Variants in PCDH9 observed in about 807,000 individuals in gnomAD.
PCDH9 encodes the protein protocadherin 9.
In PCDH9, 24 loss-of-function variants were observed where a neutral mutation model predicts 70.6. That is an observed-to-expected ratio of 0.34 (90% CI 0.25 to 0.48). The LOEUF is 0.48. PCDH9 is among the 20% of genes least tolerant of loss of function. PCDH9 has a pLI of 0.99. For missense variants in PCDH9, 1,281 were observed against 1,503.6 expected (o/e 0.85, Z 2.45); for synonymous variants, 562 against 558.5 (o/e 1.01, Z -0.09).
intron 4 of PCDH9, among the ~76,000 whole-genome samples, chr13:66,529,847 G>T (rs1261356946): frequency 6.7e-6 from 1 of 149,758 alleles, no homozygotes; most frequent in African/African-American, 2.5e-5. Flanking sequence ...AGATAGTATT[G>T]TGTACTAGAA....
intron 3 of PCDH9, among the ~76,000 whole-genome samples, chr13:66,787,389 G>A (rs1329636772): frequency 6.6e-6 from 1 of 152,136 alleles, no homozygotes; most frequent in Admixed American, 6.6e-5. Flanking sequence ...GCTGAGGCAG[G>A]TGGATCACCT....
At chr13:66,416,408 A>T (rs1479547007) in intron 4 of PCDH9, among the ~76,000 whole-genome samples, 1 of 152,158 alleles carries the variant, frequency 6.6e-6, no homozygotes, top group African/African-American at 2.4e-5. Flanking sequence ...GGACCCCAAC[A>T]GCCGACCATA....
At chr13:66,787,839 T>C (rs1190174750) in intron 3 of PCDH9, among the ~76,000 whole-genome samples, 1 of 152,128 alleles carries the variant, frequency 6.6e-6, no homozygotes, top group Non-Finnish European at 1.5e-5. Context: ...TATTTAACTA[T>C]GACACAGTAA....
At chr13:66,427,695 A>G (rs1957696017) in intron 4 of PCDH9, among the ~76,000 whole-genome samples, 1 of 151,700 alleles carries the variant, frequency 6.6e-6, no homozygotes, top group Non-Finnish European at 1.5e-5. Context: ...AGTGAGGCTC[A>G]TCAATAATTG....
chr13:66,534,392 C>T (rs1321866348), intron 4 of PCDH9, among the ~76,000 whole-genome samples: 7 of 152,040 alleles, frequency 4.6e-5, no homozygotes, highest in Admixed American at 2.6e-4. Flanking sequence ...GTGACAGTAT[C>T]GTTGGGTTCT....
intron 2 of PCDH9, among the ~76,000 whole-genome samples, chr13:67,185,249 A>C (rs1183541330): frequency 1.3e-5 from 2 of 152,196 alleles, no homozygotes; most frequent in African/African-American, 2.4e-5. Context: ...TTTTACTCTC[A>C]TTGCTTAATT....
chr13:66,690,606 T>C (rs561736292), intron 3 of PCDH9, among the ~76,000 whole-genome samples: 1 of 152,246 alleles, frequency 6.6e-6, no homozygotes, highest in East Asian at 1.9e-4. Flanking sequence ...ACGTGGTATG[T>C]CAGAAAAGGC....
chr13:67,126,737 C>T (rs2086988620), intron 2 of PCDH9, among the ~76,000 whole-genome samples: 1 of 152,094 alleles, frequency 6.6e-6, no homozygotes, highest in Non-Finnish European at 1.5e-5. Flanking sequence ...GTAAGCCTGG[C>T]TACTTGGGAG....
At chr13:66,643,507 C>T (rs1428801204) in intron 3 of PCDH9, among the ~76,000 whole-genome samples, 2 of 152,012 alleles carry the variant, frequency 1.3e-5, no homozygotes, top group African/African-American at 4.8e-5. Flanking sequence ...TGCCCTATGG[C>T]TTTTTAGTTA....
At chr13:66,468,786 A>G (rs1248736695) in intron 4 of PCDH9, among the ~76,000 whole-genome samples, 1 of 152,140 alleles carries the variant, frequency 6.6e-6, no homozygotes, top group Non-Finnish European at 1.5e-5. Flanking sequence ...AATGAGTTGA[A>G]CAAAGCTGTG....
intron 4 of PCDH9, among the ~76,000 whole-genome samples, chr13:66,495,899 C>T (rs1959108924): frequency 1.3e-5 from 2 of 152,186 alleles, no homozygotes; most frequent in Admixed American, 6.5e-5. Flanking sequence ...AATGACTCTA[C>T]TCATCTTTGT....
At chr13:66,881,148 T>C (rs2081914954) in intron 3 of PCDH9, among the ~76,000 whole-genome samples, 1 of 152,246 alleles carries the variant, frequency 6.6e-6, no homozygotes, top group Admixed American at 6.5e-5. Context: ...TGCAGTTAAC[T>C]GAACTATTAG....
chr13:67,198,817 G>A (rs1167560122), intron 2 of PCDH9, among the ~76,000 whole-genome samples: 1 of 151,684 alleles, frequency 6.6e-6, no homozygotes, highest in Non-Finnish European at 1.5e-5. Flanking sequence ...TGGTAGTTGT[G>A]CTTTAAGAAA....
At chr13:66,440,783 G>A (rs2138400466) in intron 4 of PCDH9, among the ~76,000 whole-genome samples, 1 of 151,916 alleles carries the variant, frequency 6.6e-6, no homozygotes, top group South Asian at 2.1e-4. Flanking sequence ...TTTTCTCTAA[G>A]GAACCCTCAT....
intron 2 of PCDH9, among the ~76,000 whole-genome samples, chr13:67,117,421 G>C (rs1365740556): frequency 6.6e-6 from 1 of 152,136 alleles, no homozygotes; most frequent in Non-Finnish European, 1.5e-5. Flanking sequence ...GTGGAAGTAA[G>C]GGAGGTTCAC....
chr13:66,688,487 G>A (rs1320988015), intron 3 of PCDH9, among the ~76,000 whole-genome samples: 5 of 152,102 alleles, frequency 3.3e-5, no homozygotes, highest in Non-Finnish European at 7.4e-5. Flanking sequence ...TATGCACAAA[G>A]TGTTAATATA....
chr13:66,800,833 G>A (rs1035800901), intron 3 of PCDH9, among the ~76,000 whole-genome samples: 1 of 151,964 alleles, frequency 6.6e-6, no homozygotes, highest in Non-Finnish European at 1.5e-5. Flanking sequence ...CACTTAAAAA[G>A]AGGATAATAA....
intron 2 of PCDH9, among the ~76,000 whole-genome samples, chr13:67,038,289 A>C (rs1204851050): frequency 6.6e-6 from 1 of 152,228 alleles, no homozygotes; most frequent in Non-Finnish European, 1.5e-5. Context: ...TTGGAACTTT[A>C]GAATATAAAA....
chr13:67,178,699 T>C (rs2088533586), intron 2 of PCDH9, among the ~76,000 whole-genome samples: 1 of 152,134 alleles, frequency 6.6e-6, no homozygotes, highest in East Asian at 1.9e-4. Context: ...TTTCCCCTTT[T>C]CTTTGTCATT....
Sources: gnomAD v4.1 joint callset for allele counts (sites outside exome capture counted in the v4.1 genomes callset) on GRCh38, gnomAD v4.1.1 for gene constraint, MANE v1.5 for transcripts, NCBI Gene and HGNC (gene_info 2026-07-23, HGNC 2026-07-21) for gene names.